Variants in TPR observed in about 807,000 individuals in gnomAD.
The protein encoded by TPR is nucleoprotein TPR.
TPR carries 51 observed loss-of-function variants against 316.1 expected under a neutral mutation model. The observed-to-expected ratio is 0.16, with a 90% CI of 0.13 to 0.20. The LOEUF (loss-of-function observed/expected upper bound fraction) is 0.20. TPR is among the 10% of genes least tolerant of loss of function. TPR has a pLI of 1.00. For synonymous variants in TPR, 981 were observed against 914.7 expected, an observed-to-expected ratio of 1.07 and a Z score of -1.31; for missense variants, 2,272 against 2,754.8, an observed-to-expected ratio of 0.82 and a Z score of 3.92.
intron 20 of TPR, 130 bp downstream of exon 20, chr1:186,351,200 T>A: frequency 9.5e-7 from 1 of 1,057,982 alleles, no homozygotes; most frequent in Non-Finnish European, 1.3e-6. Flanking sequence ...GGGTATAGAG[T>A]GAGGCAAGAA....
chr1:186,374,388 C>T (rs1333840318), intron 1 of TPR, among the ~76,000 whole-genome samples: 1 of 152,180 alleles, frequency 6.6e-6, no homozygotes, highest in African/African-American at 2.4e-5. Flanking sequence ...TTCCAGCGCT[C>T]TTATGCACCT....
chr1:186,347,271 T>G, intron 22 of TPR, 21 bp downstream of exon 22: 1 of 1,609,752 alleles, frequency 6.2e-7, no homozygotes, highest in South Asian at 1.1e-5. Flanking sequence ...GATTGAATTC[T>G]GAATTCAGAA....
At chr1:186,344,686 C>T (rs1290922678) in intron 24 of TPR, 108 bp from the exon 25 acceptor site, 1 of 795,374 alleles carries the variant, frequency 1.3e-6, no homozygotes, top group East Asian at 3.1e-5. Flanking sequence ...AAAGTAAAGA[C>T]AATCTAAATG....
intron 45 of TPR, among the ~76,000 whole-genome samples, chr1:186,321,410 A>T (rs1231297539): frequency 6.6e-6 from 1 of 152,210 alleles, no homozygotes; most frequent in Non-Finnish European, 1.5e-5. Context: ...TCAACCGTTT[A>T]AGAGGAGTGG....
chr1:186,317,469 G>T lies in TPR; in HGVS notation c.6940+13C>A. 6.2e-7 allele frequency: 1 copy of T among 1,605,628 alleles called. No individual in the cohort carries two copies. The highest frequency in any genetic ancestry group is 8.5e-7 in the Non-Finnish European group (1 of 1,172,278). On this transcript the variant is annotated intron_variant, in intron 49 of 50. Coordinates refer to ENST00000367478, the MANE Select transcript of TPR (RefSeq NM_003292.3). ...GTATAAAAACTGTATTGCAGTCAAG[G>T]GCAGGGACTCACCTACAGATGAGCT...
intron 21 of TPR, among the ~76,000 whole-genome samples, chr1:186,348,185 G>A (rs1425633018): frequency 2.6e-5 from 4 of 152,090 alleles, no homozygotes; most frequent in Admixed American, 1.3e-4. Flanking sequence ...GAGAGATATC[G>A]CTAAATTCTT....
chr1:186,375,105 C>T lies in TPR; in HGVS notation c.-77G>A. On this transcript the variant is annotated 5_prime_UTR_variant, in exon 1 of 51. Transcript: ENST00000367478. The stretch of plus-strand genomic sequence containing the variant: ...GAAGAAAGGCGAAGACCAGCAGGAC[C>T]CAGACGCCTGGGCCGCCGCCTCTAT... 6.3e-7 allele frequency: 1 copy of T among 1,587,204 alleles called. No homozygotes were observed. Among genetic ancestry groups the T allele is most frequent in the Non-Finnish European group, 8.6e-7 (1 of 1,167,570 alleles).
chr1:186,314,383 A>G, intron 50 of TPR: 1 of 354,850 alleles, frequency 2.8e-6, no homozygotes, highest in Non-Finnish European at 5.0e-6. Context: ...TCCAAATCTT[A>G]ATTTGGATTT....
intron 4 of TPR, among the ~76,000 whole-genome samples, chr1:186,365,850 GGAGAAATCCAA>G (rs1347869791): frequency 6.6e-6 from 1 of 152,196 alleles, no homozygotes; most frequent in Admixed American, 6.5e-5. Context: ...TACGGACCTT[GGAGAAATCCAA>G]GAGCTAATAG....
In TPR at chr1:186,312,304, T is replaced by C. The variant is rs777069099; in HGVS notation, c.*1667A>G. The C allele has an allele frequency of 6.8e-6, 11 of 1,613,032 alleles. No homozygotes were observed. The African/African-American group carries it at 1.1e-4, about 16-fold the overall frequency. On this transcript the variant is annotated 3_prime_UTR_variant, in exon 51 of 51. Transcript: ENST00000367478. ...AGGAGACGTCGCTTTGAACGTGCTATAGGACCTTCTCAAACACACACCATC... is the reference window on the plus strand; with the variant it reads ...AGGAGACGTCGCTTTGAACGTGCTACAGGACCTTCTCAAACACACACCATC...
At position 186,353,926 on chromosome 1, in the gene TPR, G is replaced by GC. The variant is rs372727919; in HGVS notation, c.2172-77dup. 1,660 of 1,376,548 alleles carry GC rather than the reference G, an allele frequency of 1.2e-3. 24 individuals are homozygous for GC. The African/African-American group carries it at 0.021, about 17-fold the overall frequency. The allele number at this position is 1,376,548 out of a possible 1,614,324, so 85.3% of individuals were successfully genotyped here. A position where few individuals can be genotyped will look rare whatever the true frequency, so the allele number is the denominator to read the frequency against. ...AATCCCTTGAAGAAATTTCACAATA[G>GC]CTTAACCCATTTCCCCAAATGCCCT... On this transcript the variant is annotated intron_variant, in intron 17 of 50. Coordinates refer to ENST00000367478, the MANE Select transcript of TPR (RefSeq NM_003292.3).
At position 186,347,456 on chromosome 1, in the gene TPR, G is replaced by A. The variant is rs750029629; in HGVS notation, c.2779C>T (p.Gln927Ter). 1 of 1,613,192 alleles carries A rather than the reference G, an allele frequency of 6.2e-7. No individual in the cohort carries two copies. Among genetic ancestry groups the A allele is most frequent in the Non-Finnish European group, 8.5e-7 (1 of 1,179,696 alleles). The change falls in exon 22 of 51, where the codon CAG becomes TAG. Residue 927 changes from glutamine (Q) to a stop codon, truncating the protein, a stop_gained and splice_region_variant. Coordinates refer to ENST00000367478, the MANE Select transcript of TPR (RefSeq NM_003292.3). LOFTEE classifies it high-confidence loss of function. ...SQSSQRTGKG[Q>*]PSNKEDVDDL... ...TCCACATCTTCTTTGTTGCTAGGCTGACCTAAAAGACATAACAGCTCTGTT... is the reference window on the plus strand; with the variant it reads ...TCCACATCTTCTTTGTTGCTAGGCTAACCTAAAAGACATAACAGCTCTGTT...
intron 3 of TPR, among the ~76,000 whole-genome samples, chr1:186,368,289 C>T (rs892092938): frequency 1.3e-5 from 2 of 152,136 alleles, no homozygotes; most frequent in Non-Finnish European, 2.9e-5. Flanking sequence ...AAGAAAGATT[C>T]CTAAAAATTG....
rs772710281 is a variant in TPR at position 186,312,177 on chromosome 1, GGCAGCATTCAGCAGTATA to G, written c.*1776_*1793del. 1 of 1,613,328 alleles carries G rather than the reference GGCAGCATTCAGCAGTATA, an allele frequency of 6.2e-7. No individual in the cohort carries two copies. The highest frequency in any genetic ancestry group is 1.1e-5 in the South Asian group (1 of 91,032). On this transcript the variant is annotated 3_prime_UTR_variant, in exon 51 of 51. Transcript: ENST00000367478. Reference sequence around the variant, plus strand: ...TGTGATATTCTAATACATAACAGGTGGCAGCATTCAGCAGTATATTTATAAACAGGAACCTGTACAGAA... The same window carrying G: ...TGTGATATTCTAATACATAACAGGTGTTTATAAACAGGAACCTGTACAGAA...
chr1:186,316,696 C>T (rs772348584), intron 49 of TPR, among the ~76,000 whole-genome samples: 4 of 152,088 alleles, frequency 2.6e-5, no homozygotes, highest in Non-Finnish European at 5.9e-5. Context: ...GTTGCTTGTC[C>T]GTTACTTATT....
At chr1:186,334,644 C>G (rs923323196) in intron 35 of TPR, 111 bp from the exon 36 acceptor site, 9 of 1,144,274 alleles carry the variant, frequency 7.9e-6, no homozygotes, top group Middle Eastern at 3.0e-4. Flanking sequence ...TATTTCAGAG[C>G]CTTATTAAAG....
Position 186,361,858 on chromosome 1 carries a change from T to C in TPR, c.801A>G (p.Gln267=), listed in dbSNP as rs920682808. 1 of 1,612,826 alleles carries C rather than the reference T, an allele frequency of 6.2e-7. No individual in the cohort carries two copies. The highest frequency in any genetic ancestry group is 1.1e-5 in the South Asian group (1 of 91,022). Residue 267 remains glutamine, a synonymous_variant, in exon 8 of 51, where the codon CAA becomes CAG. Coordinates refer to ENST00000367478, the MANE Select transcript of TPR (RefSeq NM_003292.3). ...GGAATTTCTCTTCCATACTGGCCTG[T>C]TGTTCCTTGGCCTGAAAAAAATAGC... ...LLTKLKEAKE[Q]QASMEEKFHN...
intron 12 of TPR, among the ~76,000 whole-genome samples, chr1:186,359,319 T>C (rs1263062157): frequency 6.6e-6 from 1 of 151,978 alleles, no homozygotes; most frequent in East Asian, 1.9e-4. Context: ...AATAAGCAAA[T>C]GAGCAATAAC....
chr1:186,359,514 T>C (rs1445871114), intron 12 of TPR, among the ~76,000 whole-genome samples: 1 of 151,980 alleles, frequency 6.6e-6, no homozygotes, highest in Non-Finnish European at 1.5e-5. Context: ...TTTTAGGAGA[T>C]TTGGCTATTA....
Sources: gnomAD v4.1 joint callset for allele counts (sites outside exome capture counted in the v4.1 genomes callset) on GRCh38, gnomAD v4.1.1 for gene constraint, MANE v1.5 for transcripts, NCBI Gene and HGNC (gene_info 2026-07-23, HGNC 2026-07-21) for gene names.